Variants in RBFOX3 observed in about 807,000 individuals in gnomAD.
RBFOX3 encodes the protein RNA binding fox-1 homolog 3.
RBFOX3 carries 17 observed loss-of-function variants against 48.7 expected under a neutral mutation model. That is an observed-to-expected ratio of 0.35 (90% CI 0.24 to 0.52). The LOEUF (loss-of-function observed/expected upper bound fraction) is 0.52, where lower values mean the gene tolerates loss of function less well. RBFOX3 is among the 20% of genes least tolerant of loss of function. The pLI is 0.94. For missense variants in RBFOX3, 382 were observed against 497.5 expected, an observed-to-expected ratio of 0.77 and a Z score of 2.21; for synonymous variants, 212 against 209.5, an observed-to-expected ratio of 1.01 and a Z score of -0.10.
intron 2 of RBFOX3, among the ~76,000 whole-genome samples, chr17:79,319,848 AGTCTTGCCTGGGCTGCTGGTCC>A (rs2078202910): frequency 4.5e-5 from 1 of 22,438 alleles, no homozygotes; most frequent in Non-Finnish European, 8.2e-5. Flanking sequence ...CCGGGCTGCT[AGTCTTGCCTGGGCTGCTGGTCC>A]TGTCTGGGCT....
chr17:79,365,776 T>A (rs1211145524), intron 2 of RBFOX3, among the ~76,000 whole-genome samples: 1 of 152,174 alleles, frequency 6.6e-6, no homozygotes. Context: ...CTCACAGAAT[T>A]CACAAGGTAA....
chr17:79,367,326 C>A (rs1395566007), intron 2 of RBFOX3, among the ~76,000 whole-genome samples: 3 of 140,672 alleles, frequency 2.1e-5, no homozygotes. Flanking sequence ...CCCTCCTCTT[C>A]TTCATTTCCT....
chr17:79,153,707 C>T (rs1442165246), intron 4 of RBFOX3, among the ~76,000 whole-genome samples: 1 of 152,252 alleles, frequency 6.6e-6, no homozygotes, highest in Non-Finnish European at 1.5e-5. Context: ...GAAAGAATCA[C>T]GTGTAACCAA....
chr17:79,279,723 T>TG (rs2069799977), intron 3 of RBFOX3, among the ~76,000 whole-genome samples: 1 of 152,184 alleles, frequency 6.6e-6, no homozygotes, highest in South Asian at 2.1e-4. Flanking sequence ...TGCAGGCTCG[T>TG]GGTTGCAGAT....
At chr17:79,295,617 T>C (rs1183319128) in intron 3 of RBFOX3, among the ~76,000 whole-genome samples, 1 of 152,178 alleles carries the variant, frequency 6.6e-6, no homozygotes, top group Non-Finnish European at 1.5e-5. Context: ...GGCTTACATT[T>C]TGTTTGATTT....
intron 14 of RBFOX3, chr17:79,092,583 G>A: frequency 2.0e-6 from 2 of 987,706 alleles, no homozygotes; most frequent in Non-Finnish European, 1.2e-6. Context: ...TGCTGTTAGG[G>A]GCTGGGTCTC....
intron 2 of RBFOX3, among the ~76,000 whole-genome samples, chr17:79,427,508 T>C (rs782166865): frequency 1.3e-5 from 2 of 152,230 alleles, no homozygotes; most frequent in Non-Finnish European, 2.9e-5. Context: ...GCTTGGGAGC[T>C]CAGCCAGTGA....
At chr17:79,394,908 G>A (rs149856587) in intron 2 of RBFOX3, among the ~76,000 whole-genome samples, 16 of 152,302 alleles carry the variant, frequency 1.1e-4, no homozygotes, top group African/African-American at 1.4e-4. Flanking sequence ...ACAGGCGCTC[G>A]GGGCGTGTGC....
At chr17:79,369,383 G>A (rs575266477) in intron 2 of RBFOX3, among the ~76,000 whole-genome samples, 1 of 152,322 alleles carries the variant, frequency 6.6e-6, no homozygotes, top group African/African-American at 2.4e-5. Flanking sequence ...CCCTGACCGT[G>A]ACCCTTGCCG....
In RBFOX3 at chr17:79,200,149, C is replaced by G. The variant is rs2612801; in HGVS notation, c.-34+35617G>C. 3.9e-5 allele frequency among the ~76,000 whole-genome samples: 5 copies of G among 128,716 alleles called. No homozygotes were observed. In the East Asian group the frequency reaches 1.1e-3, roughly 29 times the overall value. 84.4% of individuals were successfully genotyped at this position (128,716 alleles called of 152,430 possible). ...CTGTACTTCAGCCTGGGTGACAGAG[C>G]GAGACTCCGTCTCAAAAAAAAAAAA... is the stretch of plus-strand genomic sequence containing the variant. On this transcript the variant is annotated intron_variant, in intron 4 of 14. Transcript: ENST00000693108.
chr17:79,510,318 TTG>T (rs1555780513), intron 1 of RBFOX3, among the ~76,000 whole-genome samples: 1 of 152,108 alleles, frequency 6.6e-6, no homozygotes, highest in Non-Finnish European at 1.5e-5. Context: ...TTTAAATACT[TTG>T]TACCTGACCC....
At position 79,312,670 on chromosome 17, in the gene RBFOX3, A is replaced by G. The variant is rs963702914; in HGVS notation, c.-174-4846T>C. On this transcript the variant is annotated intron_variant, in intron 2 of 14. Coordinates refer to ENST00000693108, the MANE Select transcript of RBFOX3 (RefSeq NM_001350451.2). ...CTGTTCCAAGCAGTAAGAAAGACTC[A>G]GGCCCAGGAAACCCTCCAGCTCCTT... Among the ~76,000 whole-genome samples the G allele has an allele frequency of 3.9e-5, 6 of 152,306 alleles. No individual in the cohort carries two copies. The South Asian group carries it at 1.2e-3, about 32-fold the overall frequency.
At chr17:79,107,761 G>C (rs9913868) in intron 5 of RBFOX3, among the ~76,000 whole-genome samples, 27,006 of 152,238 alleles carry the variant, frequency 0.18, 2,482 homozygotes, top group East Asian at 0.24. Flanking sequence ...CATGGATGCA[G>C]CCAAACCGCA....
At chr17:79,130,942 C>T (rs1350662710) in intron 4 of RBFOX3, among the ~76,000 whole-genome samples, 9 of 152,270 alleles carry the variant, frequency 5.9e-5, no homozygotes, top group African/African-American at 1.4e-4. Flanking sequence ...GAATCAGCCC[C>T]GCACCTGCAA....
At chr17:79,351,941 C>T (rs954519876) in intron 2 of RBFOX3, among the ~76,000 whole-genome samples, 1 of 152,120 alleles carries the variant, frequency 6.6e-6, no homozygotes, top group African/African-American at 2.4e-5. Flanking sequence ...TCAGGGCCTA[C>T]AGGTCCCTGT....
chr17:79,509,483 C>T (rs954389705), intron 1 of RBFOX3, among the ~76,000 whole-genome samples: 156 of 152,078 alleles, frequency 1.0e-3, no homozygotes, highest in African/African-American at 3.7e-3. Flanking sequence ...GGAAACTGAC[C>T]GATGCTCAGG....
At chr17:79,324,641 A>T (rs1029253047) in intron 2 of RBFOX3, among the ~76,000 whole-genome samples, 1 of 152,144 alleles carries the variant, frequency 6.6e-6, no homozygotes, top group Non-Finnish European at 1.5e-5. Flanking sequence ...TCCCGGCCCC[A>T]TTTGGAGTTC....
intron 2 of RBFOX3, among the ~76,000 whole-genome samples, chr17:79,377,603 C>T (rs533129017): frequency 1.1e-4 from 17 of 152,300 alleles, no homozygotes; most frequent in South Asian, 8.3e-4. Context: ...GGCGGTTCCA[C>T]GGTGACAGCC....
At chr17:79,394,458 T>C (rs1391981168) in intron 2 of RBFOX3, among the ~76,000 whole-genome samples, 1 of 152,028 alleles carries the variant, frequency 6.6e-6, no homozygotes, top group Non-Finnish European at 1.5e-5. Flanking sequence ...GGCTTCTATG[T>C]CCACCCTAGG....
Sources: allele counts gnomAD v4.1 joint callset (sites outside exome capture counted in the v4.1 genomes callset), GRCh38; gene constraint gnomAD v4.1.1; transcripts MANE v1.5; gene names NCBI Gene and HGNC (gene_info 2026-07-23, HGNC 2026-07-21).